Variants in DYSF observed in about 807,000 individuals in gnomAD.
The protein encoded by DYSF is dystrophy-associated fer-1-like 1.
DYSF carries 212 observed loss-of-function variants against 274.9 expected under a neutral mutation model. That is an observed-to-expected ratio of 0.77 (90% confidence interval 0.69 to 0.86). The LOEUF (loss-of-function observed/expected upper bound fraction) is 0.86, where lower values mean the gene tolerates loss of function less well. Ranked by LOEUF, DYSF falls within the 40% of genes least tolerant of loss-of-function variation. The pLI is 0.00. For synonymous variants in DYSF, 1,091 were observed against 1,078.7 expected (o/e 1.01, Z -0.22); for missense variants, 2,666 against 2,783.2 (o/e 0.96, Z 0.95).
In DYSF at chr2:71,570,146, G is replaced by C. The variant is rs958467120; in HGVS notation, c.2980-83G>C. 12 of 1,310,626 alleles carry C rather than the reference G, an allele frequency of 9.2e-6. No homozygotes were observed. The East Asian group carries it at 2.8e-4, about 30-fold the overall frequency. The allele number at this position is 1,310,626 out of a possible 1,614,324, so 81.2% of individuals were successfully genotyped here. On this transcript the variant is annotated intron_variant, in intron 27 of 55. Transcript: ENST00000410020. ...TCTGTCTGGGACTTGGAGGACGTAT[G>C]TTGTCAAGTTGCATCTTTTCTGCCT...
chr2:71,537,622 G>A (rs1201342737), intron 16 of DYSF, among the ~76,000 whole-genome samples: 2 of 152,144 alleles, frequency 1.3e-5, no homozygotes, highest in African/African-American at 4.8e-5. Flanking sequence ...TCTTCCTAAT[G>A]TAGTGCCGGC....
Position 71,611,273 on chromosome 2 carries a change from C to A in DYSF, c.3986C>A (p.Pro1329Gln), listed in dbSNP as rs769615039. Residue 1329 changes from proline (P) to glutamine (Q), a missense_variant, in exon 37 of 56, where the codon CCA becomes CAA. By Grantham distance (76) the Pro-to-Gln change is moderately conservative. This residue lies in a region of DYSF where 1,460 missense variants were observed against 1,502.1 expected (regional missense o/e 0.97). Coordinates refer to ENST00000410020, the MANE Select transcript of DYSF (RefSeq NM_001130987.2). Reference protein sequence around the residue: ...ESEDTDLPYPPPQREANIYMV... With the variant: ...ESEDTDLPYPQPQREANIYMV... ...GAGGACACAGACCTGCCCTACCCAC[C>A]ACCCCAGAGGGAGGCCAACATCTAC... is the stretch of plus-strand genomic sequence containing the variant. 4.3e-6 allele frequency: 7 copies of A among 1,613,926 alleles called. No homozygotes were observed. The highest frequency in any genetic ancestry group is 5.1e-6 in the Non-Finnish European group (6 of 1,179,902).
At chr2:71,516,341 C>A in intron 9 of DYSF, 99 bp downstream of exon 9, 2 of 1,224,782 alleles carry the variant, frequency 1.6e-6, no homozygotes, top group Non-Finnish European at 2.4e-6. Context: ...TGCATGTGCA[C>A]GTCAGTGTGA....
intron 3 of DYSF, among the ~76,000 whole-genome samples, chr2:71,499,903 C>A (rs577625050): frequency 1.3e-5 from 2 of 152,288 alleles, no homozygotes; most frequent in East Asian, 3.9e-4. Flanking sequence ...GTAGGCTCTG[C>A]TCTGCACACA....
chr2:71,646,881 G>A (rs923106802), intron 42 of DYSF, among the ~76,000 whole-genome samples: 1 of 151,866 alleles, frequency 6.6e-6, no homozygotes, highest in Non-Finnish European at 1.5e-5. Context: ...TAAAGATTTT[G>A]GAAAACAATA....
chr2:71,570,691 T>C lies in DYSF; in HGVS notation c.3178T>C (p.Trp1060Arg), dbSNP rs2092368961. ...GTACTACACACACCGACGGCGGCGCTGGGTGCGCCTGCGCAGGAGGGATCT... is the reference window on the plus strand; with the variant it reads ...GTACTACACACACCGACGGCGGCGCCGGGTGCGCCTGCGCAGGAGGGATCT... ...KMYYTHRRRR[W>R]VRLRRRDLSQ... Residue 1060 changes from tryptophan (W) to arginine (R), a missense_variant, in exon 29 of 56, where the codon TGG becomes CGG. Around this residue, in one of 3 missense-constraint regions of DYSF, gnomAD observed 1,460 missense variants for 1,502.1 expected, o/e 0.97. Transcript: ENST00000410020. 1 of 1,614,026 alleles carries C rather than the reference T, an allele frequency of 6.2e-7. No homozygotes were observed. Among genetic ancestry groups the C allele is most frequent in the South Asian group, 1.1e-5 (1 of 91,084 alleles).
chr2:71,606,975 A>G (rs1184006083), intron 36 of DYSF, among the ~76,000 whole-genome samples: 1 of 152,054 alleles, frequency 6.6e-6, no homozygotes, highest in Non-Finnish European at 1.5e-5. Context: ...TCAGTTATCC[A>G]TTCATAATCA....
At chr2:71,679,923 T>C (rs1006069532) in intron 53 of DYSF, among the ~76,000 whole-genome samples, 1 of 152,184 alleles carries the variant, frequency 6.6e-6, no homozygotes, top group Non-Finnish European at 1.5e-5. Flanking sequence ...AGTAATTAAA[T>C]AAAGGGATAC....
At chr2:71,551,854 G>T in intron 19 of DYSF, 134 bp downstream of exon 19, 2 of 668,682 alleles carry the variant, frequency 3.0e-6, no homozygotes, top group Non-Finnish European at 2.6e-6. Flanking sequence ...TTACCTCCCC[G>T]GGCCTCAAGT....
intron 30 of DYSF, among the ~76,000 whole-genome samples, chr2:71,586,466 T>C (rs1162671088): frequency 6.6e-6 from 1 of 151,768 alleles, no homozygotes. Context: ...GGTCAGGTTT[T>C]GGAACCCAGG....
intron 30 of DYSF, among the ~76,000 whole-genome samples, chr2:71,584,894 G>A (rs1252574697): frequency 6.6e-6 from 1 of 152,224 alleles, no homozygotes; most frequent in Non-Finnish European, 1.5e-5. Context: ...CCTGCATAAA[G>A]GCCCTGTGGC....
At chr2:71,540,123 T>C (rs1440050753) in intron 17 of DYSF, among the ~76,000 whole-genome samples, 1 of 151,254 alleles carries the variant, frequency 6.6e-6, no homozygotes, top group African/African-American at 2.4e-5. Context: ...TCTTTTTTTT[T>C]TTTTTTGAGA....
chr2:71,573,104 C>T (rs974011907), intron 29 of DYSF, among the ~76,000 whole-genome samples: 1 of 152,226 alleles, frequency 6.6e-6, no homozygotes, highest in Admixed American at 6.5e-5. Context: ...GCTCAAGAAC[C>T]AGACCTCCCT....
At chr2:71,657,876 A>G (rs867584881) in intron 43 of DYSF, among the ~76,000 whole-genome samples, 3 of 152,200 alleles carry the variant, frequency 2.0e-5, no homozygotes, top group Middle Eastern at 3.4e-3. Context: ...TGCTGTGAAG[A>G]TCTCTGATAT....
intron 27 of DYSF, 48 bp from the exon 28 acceptor site, chr2:71,570,181 C>T (rs1180760822): frequency 5.8e-6 from 9 of 1,542,322 alleles, no homozygotes; most frequent in African/African-American, 1.4e-5. Context: ...TCCCTGCTCA[C>T]ATCTGTCTGT....
At chr2:71,571,350 CCACAGATCACACCCAGCACATG>C (rs1574071165) in intron 29 of DYSF, among the ~76,000 whole-genome samples, 1 of 98,358 alleles carries the variant, frequency 1.0e-5, no homozygotes, top group African/African-American at 4.0e-5. Context: ...CCCAGCACAC[CCACAGATCACACCCAGCACATG>C]CACAGATCAC....
intron 41 of DYSF, among the ~76,000 whole-genome samples, chr2:71,640,662 G>A (rs1328819542): frequency 3.9e-5 from 6 of 152,214 alleles, no homozygotes; most frequent in East Asian, 3.9e-4. Flanking sequence ...GCTTGACCAC[G>A]CCAGATTGAC....
intron 41 of DYSF, among the ~76,000 whole-genome samples, chr2:71,636,380 G>A (rs924283695): frequency 6.6e-6 from 1 of 152,108 alleles, no homozygotes; most frequent in Non-Finnish European, 1.5e-5. Flanking sequence ...CTGGACTGGG[G>A]CGGTAGTGAC....
At chr2:71,575,705 G>A (rs2092679114) in intron 30 of DYSF, among the ~76,000 whole-genome samples, 2 of 152,138 alleles carry the variant, frequency 1.3e-5, no homozygotes, top group Non-Finnish European at 2.9e-5. Context: ...GTCTGAGAAG[G>A]CCAGGAAAGC....
Sources: allele counts gnomAD v4.1 joint callset (sites outside exome capture counted in the v4.1 genomes callset), GRCh38; gene constraint gnomAD v4.1.1; regional missense constraint gnomAD v4.1.1; transcripts MANE v1.5; gene names NCBI Gene and HGNC (gene_info 2026-07-23, HGNC 2026-07-21).